The following STEAP1B variants were observed in gnomAD, a reference collection of about 807,000 sequenced individuals.
The protein encoded by STEAP1B is STEAP family protein MGC87042.
STEAP1B carries 13 observed loss-of-function variants against 27.9 expected under a neutral mutation model. That is an observed-to-expected ratio of 0.47 (90% CI 0.30 to 0.74). STEAP1B has a LOEUF of 0.74. STEAP1B is among the 30% of genes least tolerant of loss of function. STEAP1B has a pLI of 0.06. For synonymous variants in STEAP1B, 86 were observed against 107.1 expected (o/e 0.80, Z 1.22); for missense variants, 250 against 298.7 (o/e 0.84, Z 1.20).
At chr7:22,496,802 T>C (rs184088357) in intron 1 of STEAP1B, among the ~76,000 whole-genome samples, 101 of 152,332 alleles carry the variant, frequency 6.6e-4, no homozygotes, top group Admixed American at 2.9e-3. Context: ...TCTCAGAATG[T>C]ATCCTGTCAT....
intron 4 of STEAP1B, among the ~76,000 whole-genome samples, chr7:22,469,672 T>C (rs1026991839): frequency 2.6e-5 from 4 of 152,202 alleles, no homozygotes; most frequent in Non-Finnish European, 4.4e-5. Context: ...AACAGATTTG[T>C]AGCTAGGAGC....
intron 4 of STEAP1B, among the ~76,000 whole-genome samples, chr7:22,488,959 A>G (rs1256304527): frequency 6.6e-6 from 1 of 152,174 alleles, no homozygotes; most frequent in Non-Finnish European, 1.5e-5. Flanking sequence ...AATGACTAGG[A>G]GTTGCAAAGA....
chr7:22,450,683 A>C (rs973793735), intron 4 of STEAP1B, among the ~76,000 whole-genome samples: 2 of 151,648 alleles, frequency 1.3e-5, no homozygotes, highest in African/African-American at 4.8e-5. Flanking sequence ...ATTTCTGTGA[A>C]GAATGTCATT....
At chr7:22,440,575 A>G (rs1223927231) in intron 4 of STEAP1B, among the ~76,000 whole-genome samples, 6 of 152,212 alleles carry the variant, frequency 3.9e-5, no homozygotes, top group African/African-American at 1.4e-4. Flanking sequence ...CTCTTAGCTT[A>G]CTAAATAATT....
intron 4 of STEAP1B, among the ~76,000 whole-genome samples, chr7:22,470,776 T>C (rs1489622457): frequency 6.6e-6 from 1 of 152,130 alleles, no homozygotes; most frequent in Non-Finnish European, 1.5e-5. Context: ...GAACATTCTG[T>C]GGGTATTGAA....
At chr7:22,496,100 G>C (rs1392252670) in intron 1 of STEAP1B, among the ~76,000 whole-genome samples, 1 of 152,044 alleles carries the variant, frequency 6.6e-6, no homozygotes, top group Non-Finnish European at 1.5e-5. Flanking sequence ...AGAGGTGGAA[G>C]ACAGTGATAC....
intron 4 of STEAP1B, among the ~76,000 whole-genome samples, chr7:22,437,566 G>T (rs1251207383): frequency 6.6e-5 from 10 of 152,218 alleles, no homozygotes; most frequent in Non-Finnish European, 7.4e-5. Context: ...GAACATGGAA[G>T]AAGTGCAGAT....
intron 3 of STEAP1B, among the ~76,000 whole-genome samples, chr7:22,492,934 A>G (rs560314881): frequency 6.6e-6 from 1 of 152,230 alleles, no homozygotes; most frequent in South Asian, 2.1e-4. Flanking sequence ...CAACATTTCC[A>G]TAATCTATTA....
rs976509384 is a variant in STEAP1B at position 22,419,502 on chromosome 7, A to T, written c.*302T>A. 1 of 226,622 alleles carries T rather than the reference A, an allele frequency of 4.4e-6. No homozygotes were observed. Among genetic ancestry groups the T allele is most frequent in the Non-Finnish European group, 8.6e-6 (1 of 116,150 alleles). 14.0% of individuals were successfully genotyped at this position (226,622 alleles called of 1,614,324 possible). On this transcript the variant is annotated 3_prime_UTR_variant, in exon 5 of 5. Coordinates refer to ENST00000678116, the MANE Select transcript of STEAP1B (RefSeq NM_001382447.1). The stretch of plus-strand genomic sequence containing the variant: ...TATTTCCATCCAACACTTTATAAAC[A>T]CATTTGATTATCATGTCTGATCCTC...
At chr7:22,500,003 T>C (rs1004099288) in intron 1 of STEAP1B, 111 bp downstream of exon 1, 5 of 152,456 alleles carry the variant, frequency 3.3e-5, no homozygotes, top group African/African-American at 1.2e-4. Context: ...ACGAGAAGGC[T>C]TGCGACCCGC....
intron 4 of STEAP1B, among the ~76,000 whole-genome samples, chr7:22,459,020 T>G (rs1328364261): frequency 6.6e-6 from 1 of 151,864 alleles, no homozygotes; most frequent in Non-Finnish European, 1.5e-5. Context: ...AGAACAAAAA[T>G]AATAAAGAAG....
intron 4 of STEAP1B, chr7:22,438,327 A>G (rs577925108): frequency 1.2e-6 from 1 of 843,376 alleles, no homozygotes; most frequent in Non-Finnish European, 1.8e-6. Context: ...CTTGTCCCAC[A>G]TGTTTTATTT....
chr7:22,473,549 T>A (rs962655944), intron 4 of STEAP1B, among the ~76,000 whole-genome samples: 3 of 152,234 alleles, frequency 2.0e-5, no homozygotes, highest in African/African-American at 7.2e-5. Flanking sequence ...GCTGAAATGA[T>A]GACTGAGACA....
At chr7:22,488,415 G>T (rs1200426804) in intron 4 of STEAP1B, among the ~76,000 whole-genome samples, 1 of 152,194 alleles carries the variant, frequency 6.6e-6, no homozygotes, top group African/African-American at 2.4e-5. Flanking sequence ...AGAAGAAGGC[G>T]AGTGCCCTTG....
At chr7:22,437,792 T>G (rs993821276) in intron 4 of STEAP1B, among the ~76,000 whole-genome samples, 5 of 152,216 alleles carry the variant, frequency 3.3e-5, no homozygotes, top group Non-Finnish European at 7.3e-5. Context: ...GTAATACCCA[T>G]CCTAACTAGC....
intron 4 of STEAP1B, among the ~76,000 whole-genome samples, chr7:22,427,980 A>G (rs1785130006): frequency 6.6e-6 from 1 of 152,224 alleles, no homozygotes; most frequent in Non-Finnish European, 1.5e-5. Flanking sequence ...ACTGGGGAAC[A>G]GTGGCAACAC....
At chr7:22,430,887 C>T (rs976220018) in intron 4 of STEAP1B, among the ~76,000 whole-genome samples, 7 of 152,214 alleles carry the variant, frequency 4.6e-5, no homozygotes, top group African/African-American at 1.4e-4. Context: ...GACATGGAAC[C>T]CTTGGCTCTA....
intron 4 of STEAP1B, among the ~76,000 whole-genome samples, chr7:22,490,694 T>C (rs1786307226): frequency 6.6e-6 from 1 of 152,236 alleles, no homozygotes; most frequent in Non-Finnish European, 1.5e-5. Context: ...TGGGCTCATT[T>C]CACTTAGACT....
intron 4 of STEAP1B, among the ~76,000 whole-genome samples, chr7:22,428,096 A>G (rs977709868): frequency 6.6e-6 from 1 of 152,168 alleles, no homozygotes; most frequent in Non-Finnish European, 1.5e-5. Context: ...TGCACTGGCC[A>G]GACATAGGAT....
Sources: gnomAD v4.1 joint callset for allele counts (sites outside exome capture counted in the v4.1 genomes callset) on GRCh38, gnomAD v4.1.1 for gene constraint, MANE v1.5 for transcripts, NCBI Gene and HGNC (gene_info 2026-07-23, HGNC 2026-07-21) for gene names.